The following DLG2 variants were observed in gnomAD, a reference collection of about 807,000 sequenced individuals.
The protein encoded by DLG2 is discs large MAGUK scaffold protein 2.
DLG2 carries 45 observed loss-of-function variants against 132.5 expected under a neutral mutation model. The ratio of observed to expected loss-of-function variants is 0.34; its 90% confidence interval spans 0.27 to 0.44. DLG2 has a LOEUF of 0.44. Ranked by LOEUF, DLG2 falls within the 20% of genes least tolerant of loss-of-function variation. The pLI is 1.00. For missense variants in DLG2, 1,045 were observed against 1,196.9 expected (o/e 0.87, Z 1.87); for synonymous variants, 424 against 419.6 (o/e 1.01, Z -0.13).
At chr11:83,878,730 G>A (rs983366078) in intron 15 of DLG2, among the ~76,000 whole-genome samples, 1 of 152,086 alleles carries the variant, frequency 6.6e-6, no homozygotes, top group Non-Finnish European at 1.5e-5. Context: ...ATGAATAGTG[G>A]GTGGGTAGAA....
At chr11:84,512,788 C>G (rs992585458) in intron 7 of DLG2, among the ~76,000 whole-genome samples, 3 of 151,836 alleles carry the variant, frequency 2.0e-5, no homozygotes, top group Admixed American at 6.6e-5. Flanking sequence ...ACGTATACAC[C>G]ATGGAATACT....
Position 83,764,732 on chromosome 11 carries a change from G to T in DLG2, c.1825+21958C>A, listed in dbSNP as rs756503209. Among the ~76,000 whole-genome samples, 5 of 152,300 alleles carry T rather than the reference G, an allele frequency of 3.3e-5. No homozygotes were observed. In the South Asian group the frequency reaches 1.0e-3, roughly 32 times the overall value. On this transcript the variant is annotated intron_variant, in intron 18 of 27. Transcript: ENST00000376104. Reference sequence around the variant, plus strand: ...ACAGCTAGTAAGTGACAGATTTAGGGTTTGAACACAGGACTCTGGTTCCAG... The same window carrying T: ...ACAGCTAGTAAGTGACAGATTTAGGTTTTGAACACAGGACTCTGGTTCCAG...
At chr11:84,171,106 G>A (rs1596553013) in intron 8 of DLG2, among the ~76,000 whole-genome samples, 1 of 152,212 alleles carries the variant, frequency 6.6e-6, no homozygotes, top group South Asian at 2.1e-4. Context: ...AAAGATCTCA[G>A]GTTTCTGGAG....
rs368793490 is a variant in DLG2 at position 83,678,522 on chromosome 11, C to T, written c.1826-45197G>A. 7.9e-5 allele frequency among the ~76,000 whole-genome samples: 12 copies of T among 152,254 alleles called. No homozygotes were observed. The East Asian group carries it at 1.2e-3, about 15-fold the overall frequency. ...AGTGATTAACAGCATCCATCCCTTG[C>T]CCTATTTCCTACCCTCATGCAAATA... On this transcript the variant is annotated intron_variant, in intron 18 of 27. Transcript: ENST00000376104.
intron 6 of DLG2, among the ~76,000 whole-genome samples, chr11:85,024,767 T>G (rs548792115): frequency 1.3e-5 from 2 of 152,302 alleles, no homozygotes; most frequent in African/African-American, 4.8e-5. Context: ...TGCAAACACT[T>G]TTTTTCCAAG....
chr11:85,219,952 C>T (rs981524861), intron 4 of DLG2, among the ~76,000 whole-genome samples: 10 of 151,756 alleles, frequency 6.6e-5, no homozygotes, highest in African/African-American at 2.4e-4. Context: ...ATTTATGAAA[C>T]CGAAACTTCC....
At chr11:83,601,201 C>T (rs1233592486) in intron 19 of DLG2, among the ~76,000 whole-genome samples, 1 of 152,224 alleles carries the variant, frequency 6.6e-6, no homozygotes, top group Non-Finnish European at 1.5e-5. Context: ...TTCTTCCCCT[C>T]ATAATCAGGG....
At chr11:83,849,247 G>A (rs11233759) in intron 16 of DLG2, among the ~76,000 whole-genome samples, 9,123 of 149,982 alleles carry the variant, frequency 0.061, 847 homozygotes, top group African/African-American at 0.2. Flanking sequence ...AGGATTAAAT[G>A]GGATAATAAA....
intron 4 of DLG2, among the ~76,000 whole-genome samples, chr11:85,273,196 A>G (rs2152739637): frequency 6.6e-6 from 1 of 152,326 alleles, no homozygotes; most frequent in African/African-American, 2.4e-5. Context: ...AGGCATGAGC[A>G]AAGACTTCAT....
intron 14 of DLG2, among the ~76,000 whole-genome samples, chr11:83,956,991 G>A (rs150747334): frequency 6.6e-6 from 1 of 152,322 alleles, no homozygotes; most frequent in East Asian, 1.9e-4. Flanking sequence ...TTTCTGGTGT[G>A]TCGACTTCAT....
At chr11:85,101,910 CTT>C (rs904687246) in intron 6 of DLG2, among the ~76,000 whole-genome samples, 3 of 152,024 alleles carry the variant, frequency 2.0e-5, no homozygotes, top group African/African-American at 7.2e-5. Flanking sequence ...TTGTAACCCT[CTT>C]TATACAGTGG....
At chr11:85,448,235 T>G (rs560825724) in intron 3 of DLG2, among the ~76,000 whole-genome samples, 75 of 152,342 alleles carry the variant, frequency 4.9e-4, no homozygotes, top group Middle Eastern at 6.8e-3. Flanking sequence ...ATTTCTAATC[T>G]AAACTAGACT....
chr11:84,473,411 C>A (rs2099113662), intron 7 of DLG2, among the ~76,000 whole-genome samples: 1 of 151,950 alleles, frequency 6.6e-6, no homozygotes, highest in African/African-American at 2.4e-5. Context: ...GTGCAGGTGT[C>A]TCTTCTTAAG....
chr11:85,007,696 GAAAAGA>G (rs2058811973), intron 6 of DLG2, among the ~76,000 whole-genome samples: 2 of 136,078 alleles, frequency 1.5e-5, no homozygotes, highest in Non-Finnish European at 3.2e-5. Flanking sequence ...AAAAAGAAAA[GAAAAGA>G]AAAAGAAAAA....
chr11:83,845,613 T>G (rs183867208), intron 16 of DLG2, among the ~76,000 whole-genome samples: 115 of 152,292 alleles, frequency 7.6e-4, no homozygotes, highest in Non-Finnish European at 1.3e-3. Context: ...ATATACAATA[T>G]AGAGCAGGCT....
chr11:84,251,345 G>T, intron 7 of DLG2, 54 bp from the exon 8 acceptor site: 1 of 1,312,578 alleles, frequency 7.6e-7, no homozygotes, highest in Non-Finnish European at 1.0e-6. Context: ...TTCTGAGACA[G>T]ATTATTTCTG....
chr11:84,126,320 CAAAA>C (rs1231319640), intron 9 of DLG2, among the ~76,000 whole-genome samples: 38 of 151,726 alleles, frequency 2.5e-4, no homozygotes, highest in Non-Finnish European at 1.9e-4. Flanking sequence ...GGTCAAGAAA[CAAAA>C]AGAAAATTTA....
intron 3 of DLG2, among the ~76,000 whole-genome samples, chr11:85,413,940 T>C (rs758065893): frequency 6.6e-6 from 1 of 151,992 alleles, no homozygotes. Context: ...TGAAGAATGA[T>C]GGTGGTATTT....
chr11:85,272,579 C>T (rs2077604596), intron 4 of DLG2, among the ~76,000 whole-genome samples: 1 of 152,188 alleles, frequency 6.6e-6, no homozygotes, highest in African/African-American at 2.4e-5. Context: ...CTTAGAGCTA[C>T]AAACCACTGC....
Sources: gnomAD v4.1 joint callset for allele counts (sites outside exome capture counted in the v4.1 genomes callset) on GRCh38, gnomAD v4.1.1 for gene constraint, MANE v1.5 for transcripts, NCBI Gene and HGNC (gene_info 2026-07-23, HGNC 2026-07-21) for gene names.